The following RERE variants were observed in gnomAD, a reference collection of about 807,000 sequenced individuals.
RERE encodes arginine-glutamic acid dipeptide repeats protein.
In RERE, 40 loss-of-function variants were observed where a neutral mutation model predicts 146.1. That is an observed-to-expected ratio of 0.27 (90% CI 0.21 to 0.36). The LOEUF is 0.36. Ranked by LOEUF, RERE falls within the 10% of genes least tolerant of loss-of-function variation. The probability of loss-of-function intolerance (pLI) is 1.00; values close to 1 mark genes in which losing one functional copy is unlikely to be tolerated. For synonymous variants in RERE, 1,003 were observed against 866.0 expected (o/e 1.16, Z -2.78); for missense variants, 1,933 against 2,138.7 (o/e 0.90, Z 1.90).
chr1:8,429,446 G>T (rs1037505266), intron 11 of RERE, among the ~76,000 whole-genome samples: 2 of 149,906 alleles, frequency 1.3e-5, no homozygotes, highest in African/African-American at 4.9e-5. Context: ...AAAGGGTAAG[G>T]TGTGCAAATT....
chr1:8,772,331 C>T (rs1405851685), intron 1 of RERE, among the ~76,000 whole-genome samples: 1 of 151,978 alleles, frequency 6.6e-6, no homozygotes, highest in Non-Finnish European at 1.5e-5. Context: ...TTTACTTTAT[C>T]CTCTTGAAGC....
intron 12 of RERE, among the ~76,000 whole-genome samples, chr1:8,369,205 A>G (rs994957776): frequency 5.3e-5 from 8 of 152,124 alleles, no homozygotes; most frequent in Non-Finnish European, 7.4e-5. Context: ...CATCTCTTTA[A>G]AAAAAATAAA....
intron 1 of RERE, among the ~76,000 whole-genome samples, chr1:8,686,011 C>T (rs1419577362): frequency 6.7e-6 from 1 of 150,126 alleles, no homozygotes; most frequent in Non-Finnish European, 1.5e-5. Flanking sequence ...AACAAGGTCT[C>T]ACATCCATCA....
rs1280374815 is a variant in RERE at position 8,718,714 on chromosome 1, G to A, written c.-144-62273C>T. Among the ~76,000 whole-genome samples the A allele has an allele frequency of 2.0e-5, 3 of 152,184 alleles. No homozygotes were observed. The East Asian group carries it at 5.8e-4, about 29-fold the overall frequency. On this transcript the variant is annotated intron_variant, in intron 1 of 22. Coordinates refer to ENST00000400908, the MANE Select transcript of RERE (RefSeq NM_001042681.2). Reference sequence around the variant, plus strand: ...TTTAGCCTAGTGGTAAAGGTCTCTAGCTCTGGAGTCAGATGGCCAGGGTTC... The same window carrying A: ...TTTAGCCTAGTGGTAAAGGTCTCTAACTCTGGAGTCAGATGGCCAGGGTTC...
intron 12 of RERE, among the ~76,000 whole-genome samples, chr1:8,379,881 A>G (rs565284985): frequency 6.6e-6 from 1 of 152,314 alleles, no homozygotes; most frequent in South Asian, 2.1e-4. Context: ...GTAGTGGGGA[A>G]GCCTGCGGGG....
At chr1:8,669,181 C>T (rs908396962) in intron 1 of RERE, among the ~76,000 whole-genome samples, 1 of 150,212 alleles carries the variant, frequency 6.7e-6, no homozygotes, top group Admixed American at 6.9e-5. Context: ...CAAGCAATAC[C>T]CCCCCCAACT....
intron 4 of RERE, among the ~76,000 whole-genome samples, chr1:8,601,134 C>G (rs1646619296): frequency 6.6e-6 from 1 of 150,698 alleles, no homozygotes; most frequent in Non-Finnish European, 1.5e-5. Flanking sequence ...GTTCTCCTGC[C>G]TCAGCCTCCC....
intron 4 of RERE, among the ~76,000 whole-genome samples, chr1:8,569,837 AGC>A (rs56239567): frequency 0.16 from 24,879 of 152,042 alleles, 2,330 homozygotes; most frequent in Middle Eastern, 0.29. Context: ...GGCTGCAATA[AGC>A]TATGATGGCA....
At position 8,385,999 on chromosome 1, in the gene RERE, T is replaced by A. The variant is rs1213822676; in HGVS notation, c.1285-20025A>T. Reference sequence around the variant, plus strand: ...AAAAAAAAAAAAAAAAAAAAATATATATATATATATATATATATATATATT... The same window carrying A: ...AAAAAAAAAAAAAAAAAAAAATATAAATATATATATATATATATATATATT... On this transcript the variant is annotated intron_variant, in intron 12 of 22. Transcript: ENST00000400908. Among the ~76,000 whole-genome samples the A allele has an allele frequency of 9.9e-3, 287 of 29,050 alleles. 3 individuals carry two copies. The highest frequency in any genetic ancestry group is 0.033 in the East Asian group (38 of 1,136). The allele number at this position is 29,050 out of a possible 152,430, so 19.1% of individuals were successfully genotyped here.
chr1:8,507,581 C>A (rs1280308931), intron 8 of RERE, among the ~76,000 whole-genome samples: 1 of 151,506 alleles, frequency 6.6e-6, no homozygotes, highest in Non-Finnish European at 1.5e-5. Flanking sequence ...GCTAATTTTT[C>A]TATTTTTAGT....
chr1:8,443,252 G>A (rs1469696843), intron 11 of RERE, among the ~76,000 whole-genome samples: 1 of 151,982 alleles, frequency 6.6e-6, no homozygotes, highest in Non-Finnish European at 1.5e-5. Context: ...CATGAGGTCA[G>A]GAGTTCAAGA....
intron 4 of RERE, among the ~76,000 whole-genome samples, chr1:8,604,017 T>C (rs964574508): frequency 6.6e-6 from 1 of 152,070 alleles, no homozygotes; most frequent in African/African-American, 2.4e-5. Context: ...TTACACTAGT[T>C]ACTGGAGTTG....
intron 12 of RERE, among the ~76,000 whole-genome samples, chr1:8,391,336 TGCCTGGCACC>T: frequency 1.3e-5 from 2 of 152,162 alleles, no homozygotes; most frequent in African/African-American, 4.8e-5. Context: ...CTGAGAACAG[TGCCTGGCACC>T]TGAGAGGCCC....
intron 1 of RERE, among the ~76,000 whole-genome samples, chr1:8,753,101 TGATTCACA>T (rs1469465014): frequency 6.6e-6 from 1 of 152,192 alleles, no homozygotes; most frequent in Admixed American, 6.5e-5. Context: ...TTAGCATAAA[TGATTCACA>T]GAGAGATCTC....
intron 6 of RERE, among the ~76,000 whole-genome samples, chr1:8,547,396 A>G (rs1208385618): frequency 6.6e-6 from 1 of 151,002 alleles, no homozygotes; most frequent in African/African-American, 2.4e-5. Context: ...TCCAGAGGCA[A>G]TAAAAGACTG....
intron 1 of RERE, 125 bp downstream of exon 1, chr1:8,817,035 C>G (rs1641926322): frequency 6.6e-6 from 1 of 152,322 alleles, no homozygotes; most frequent in Non-Finnish European, 1.5e-5. Context: ...GGCTTCGACC[C>G]CAGCCTTTTC....
At chr1:8,515,380 G>A (rs72867534) in intron 7 of RERE, among the ~76,000 whole-genome samples, 2,771 of 151,538 alleles carry the variant, frequency 0.018, 103 homozygotes, top group African/African-American at 0.065. Context: ...CAAACAGGCC[G>A]GGCGTGGTGG....
At chr1:8,799,432 G>C (rs6690928) in intron 1 of RERE, 94,210 of 178,392 alleles carry the variant, frequency 0.53, 25,968 homozygotes, top group East Asian at 0.83. Context: ...AGGTTACTGA[G>C]AGGCCAGGGT....
chr1:8,386,016 ATATATATTTTTTTTTTTTTT>A (rs1178219872), intron 12 of RERE, among the ~76,000 whole-genome samples: 3 of 44,254 alleles, frequency 6.8e-5, no homozygotes, highest in African/African-American at 2.8e-4. Context: ...ATATATATAT[ATATATATTTTTTTTTTTTTT>A]TTTTTTTTTT....
Sources: gnomAD v4.1 joint callset for allele counts (sites outside exome capture counted in the v4.1 genomes callset) on GRCh38, gnomAD v4.1.1 for gene constraint, MANE v1.5 for transcripts, NCBI Gene and HGNC (gene_info 2026-07-23, HGNC 2026-07-21) for gene names.